The following PTPRT variants were observed in gnomAD, a reference collection of about 807,000 sequenced individuals.
PTPRT encodes the protein receptor-type tyrosine-protein phosphatase T.
PTPRT carries 56 observed loss-of-function variants against 176.8 expected under a neutral mutation model. The observed-to-expected ratio is 0.32, with a 90% CI of 0.26 to 0.40. PTPRT has a LOEUF of 0.40. Among genes scored for constraint, PTPRT ranks in the 10% least tolerant of loss-of-function variants. The probability of loss-of-function intolerance (pLI) is 1.00; values close to 1 mark genes in which losing one functional copy is unlikely to be tolerated. For synonymous variants in PTPRT, 783 were observed against 739.0 expected, an observed-to-expected ratio of 1.06 and a Z score of -0.96; for missense variants, 1,540 against 1,908.2, an observed-to-expected ratio of 0.81 and a Z score of 3.60.
At chr20:42,406,267 G>A (rs766355154) in intron 9 of PTPRT, among the ~76,000 whole-genome samples, 61 of 151,776 alleles carry the variant, frequency 4.0e-4, no homozygotes, top group Admixed American at 7.9e-4. Context: ...ATCAAAGGTC[G>A]TCCTTTGAAA....
chr20:42,467,743 CAT>C (rs1319542036), intron 8 of PTPRT, among the ~76,000 whole-genome samples: 3 of 152,180 alleles, frequency 2.0e-5, no homozygotes, highest in African/African-American at 4.8e-5. Context: ...GATACACACA[CAT>C]GAGTAAATGC....
chr20:42,785,144 C>T (rs1431260771), intron 3 of PTPRT, among the ~76,000 whole-genome samples: 1 of 152,054 alleles, frequency 6.6e-6, no homozygotes, highest in Non-Finnish European at 1.5e-5. Flanking sequence ...TAATATTTGT[C>T]AATTAAAAGT....
At chr20:42,863,432 G>T (rs2078695106) in intron 2 of PTPRT, among the ~76,000 whole-genome samples, 1 of 152,172 alleles carries the variant, frequency 6.6e-6, no homozygotes, top group Non-Finnish European at 1.5e-5. Flanking sequence ...GAGCAGGGAA[G>T]GATGGTCTAG....
intron 7 of PTPRT, among the ~76,000 whole-genome samples, chr20:42,642,332 T>G (rs2074775810): frequency 6.6e-6 from 1 of 152,196 alleles, no homozygotes; most frequent in Non-Finnish European, 1.5e-5. Flanking sequence ...ATTTTCCAAC[T>G]GACTGAGAAA....
At chr20:43,112,792 C>G (rs969403086) in intron 1 of PTPRT, among the ~76,000 whole-genome samples, 4 of 152,204 alleles carry the variant, frequency 2.6e-5, no homozygotes, top group African/African-American at 9.7e-5. Context: ...GAGACACTTG[C>G]TGCTTTCTCC....
chr20:42,417,470 C>T (rs1327483103), intron 9 of PTPRT, among the ~76,000 whole-genome samples: 1 of 151,948 alleles, frequency 6.6e-6, no homozygotes, highest in East Asian at 1.9e-4. Context: ...TATATTCCTT[C>T]TCCTCTTTTA....
intron 1 of PTPRT, among the ~76,000 whole-genome samples, chr20:42,940,971 A>G (rs903593981): frequency 6.6e-6 from 1 of 151,868 alleles, no homozygotes; most frequent in Non-Finnish European, 1.5e-5. Flanking sequence ...AGTCCCAGCT[A>G]CTCAGGAGGC....
intron 16 of PTPRT, among the ~76,000 whole-genome samples, chr20:42,192,732 C>G (rs965862043): frequency 1.2e-4 from 19 of 152,214 alleles, no homozygotes. Flanking sequence ...TCTCCACTGC[C>G]AGGCTGCAAG....
In PTPRT at chr20:42,833,273, A is replaced by G. The variant is rs547002268; in HGVS notation, c.215-41807T>C. Reference sequence around the variant, plus strand: ...AACCTCAAAACACTGAAATTAAAAGAAAAAAAAAAAAACTTGGCCAAGCAT... The same window carrying G: ...AACCTCAAAACACTGAAATTAAAAGGAAAAAAAAAAAACTTGGCCAAGCAT... On this transcript the variant is annotated intron_variant, in intron 2 of 30. Coordinates refer to ENST00000373187, the MANE Select transcript of PTPRT (RefSeq NM_007050.6). Among the ~76,000 whole-genome samples the G allele has an allele frequency of 3.4e-5, 4 of 115,960 alleles. No individual in the cohort carries two copies. The East Asian group carries it at 1.8e-3, about 52-fold the overall frequency. The allele number at this position is 115,960 out of a possible 152,430, so 76.1% of individuals were successfully genotyped here. A position where few individuals can be genotyped will look rare whatever the true frequency, so the allele number is the denominator to read the frequency against.
chr20:42,607,332 T>C (rs1182894362), intron 7 of PTPRT: 3 of 152,146 alleles, frequency 2.0e-5, no homozygotes, highest in Non-Finnish European at 4.4e-5. Context: ...ATGATTAAGA[T>C]GGTATATTTT....
Position 42,153,102 on chromosome 20 carries a change from T to C in PTPRT, c.2682+8250A>G, listed in dbSNP as rs189124951. On this transcript the variant is annotated intron_variant, in intron 17 of 30. Coordinates refer to ENST00000373187, the MANE Select transcript of PTPRT (RefSeq NM_007050.6). Reference sequence around the variant, plus strand: ...TCTGATAGCTTTTGGCAACAAGAAGTGGCAAAAAGCAAGTGTGTCTCCAAA... The same window carrying C: ...TCTGATAGCTTTTGGCAACAAGAAGCGGCAAAAAGCAAGTGTGTCTCCAAA... 3.5e-4 allele frequency among the ~76,000 whole-genome samples: 51 copies of C among 144,674 alleles called. 1 individual carries two copies. The East Asian group carries it at 9.6e-3, about 27-fold the overall frequency. 94.9% of individuals were successfully genotyped at this position (144,674 alleles called of 152,430 possible). A position where few individuals can be genotyped will look rare whatever the true frequency, so the allele number is the denominator to read the frequency against.
chr20:42,740,002 C>T (rs2076585206), intron 6 of PTPRT, among the ~76,000 whole-genome samples: 1 of 152,224 alleles, frequency 6.6e-6, no homozygotes, highest in Non-Finnish European at 1.5e-5. Context: ...GGGCACATGA[C>T]TTAGACTGGG....
At chr20:42,332,028 A>G (rs1016153600) in intron 11 of PTPRT, among the ~76,000 whole-genome samples, 3 of 151,802 alleles carry the variant, frequency 2.0e-5, no homozygotes, top group African/African-American at 7.3e-5. Context: ...CATACTTGCT[A>G]TAAAAGCAAA....
chr20:42,055,899 TG>T, the PTPRT span, among the ~76,000 whole-genome samples: 1 of 152,092 alleles, frequency 6.6e-6, no homozygotes, highest in African/African-American at 2.4e-5. Context: ...GGCCAGCTGA[TG>T]GGGGTCGACT....
chr20:42,368,092 T>C (rs1413989654), intron 9 of PTPRT, among the ~76,000 whole-genome samples: 1 of 152,144 alleles, frequency 6.6e-6, no homozygotes. Context: ...GCCCAGGGGA[T>C]GCTGCACAGC....
intron 9 of PTPRT, among the ~76,000 whole-genome samples, chr20:42,385,465 T>C (rs757512601): frequency 1.1e-4 from 16 of 152,134 alleles, no homozygotes; most frequent in Non-Finnish European, 2.2e-4. Flanking sequence ...AGGGAGGACA[T>C]GATTTGCTGT....
chr20:42,758,163 C>T (rs910441059), intron 5 of PTPRT, among the ~76,000 whole-genome samples: 6 of 152,176 alleles, frequency 3.9e-5, no homozygotes, highest in African/African-American at 1.4e-4. Context: ...GAAATTGACT[C>T]CTTTAATTAT....
intron 23 of PTPRT, among the ~76,000 whole-genome samples, chr20:42,109,485 CTCT>C (rs1986822796): frequency 6.6e-6 from 1 of 152,198 alleles, no homozygotes; most frequent in African/African-American, 2.4e-5. Flanking sequence ...CTGAAAATAT[CTCT>C]TCTTCATAAT....
chr20:42,962,731 T>C (rs562813167), intron 1 of PTPRT, among the ~76,000 whole-genome samples: 1 of 152,164 alleles, frequency 6.6e-6, no homozygotes, highest in Non-Finnish European at 1.5e-5. Flanking sequence ...ACAGAAACAC[T>C]ACCACCACCA....
Sources: allele counts gnomAD v4.1 joint callset (sites outside exome capture counted in the v4.1 genomes callset), GRCh38; gene constraint gnomAD v4.1.1; transcripts MANE v1.5; gene names NCBI Gene and HGNC (gene_info 2026-07-23, HGNC 2026-07-21).